Variants in EPB41L4A observed in about 807,000 individuals in gnomAD.
EPB41L4A encodes the protein erythrocyte membrane protein band 4.1 like 4A, also known as band 4.1-like protein 4A.
In EPB41L4A, 100 loss-of-function variants were observed where a neutral mutation model predicts 108.6. That is an observed-to-expected ratio of 0.92 (90% CI 0.78 to 1.09). EPB41L4A has a LOEUF of 1.09. EPB41L4A is among the 50% of genes least tolerant of loss of function. The pLI, the probability that EPB41L4A is intolerant of heterozygous loss-of-function variation, is 0.00. For synonymous variants in EPB41L4A, 319 were observed against 289.0 expected (o/e 1.10, Z -1.05); for missense variants, 1,030 against 842.7 (o/e 1.22, Z -2.75).
At chr5:112,220,093 A>G (rs555541409) in intron 12 of EPB41L4A, among the ~76,000 whole-genome samples, 5 of 152,368 alleles carry the variant, frequency 3.3e-5, no homozygotes, top group Admixed American at 2.6e-4. Context: ...TGCTAGAATG[A>G]AACAGTTTAG....
chr5:112,181,376 C>T (rs1038915580), intron 18 of EPB41L4A, among the ~76,000 whole-genome samples: 3 of 151,838 alleles, frequency 2.0e-5, no homozygotes, highest in Non-Finnish European at 2.9e-5. Flanking sequence ...GCGTGGAACC[C>T]GGGAGGCGGA....
At chr5:112,244,313 A>G (rs1413188930) in intron 9 of EPB41L4A, among the ~76,000 whole-genome samples, 1 of 152,200 alleles carries the variant, frequency 6.6e-6, no homozygotes, top group East Asian at 1.9e-4. Context: ...CCCCAAATCA[A>G]TTGCAACAGT....
Position 112,184,780 on chromosome 5 carries a change from G to A in EPB41L4A, c.1503-645C>T, listed in dbSNP as rs546605556. On this transcript the variant is annotated intron_variant, in intron 17 of 22. Coordinates refer to ENST00000261486, the MANE Select transcript of EPB41L4A (RefSeq NM_022140.5). ...ATGAGGAAAAGAGAAAGGTGGGAAA[G>A]ACTTGGAAGCACAGGCACTTGACAT... Among the ~76,000 whole-genome samples, 8 of 152,314 alleles carry A rather than the reference G, an allele frequency of 5.3e-5. No homozygotes were observed. In the East Asian group the frequency reaches 1.5e-3, roughly 29 times the overall value.
intron 2 of EPB41L4A, among the ~76,000 whole-genome samples, chr5:112,298,842 C>G (rs929443491): frequency 6.6e-6 from 1 of 152,054 alleles, no homozygotes; most frequent in African/African-American, 2.4e-5. Flanking sequence ...ATGGTCTGTT[C>G]AGGGTTTCTA....
rs560686165 is a variant in EPB41L4A, at chr5:112,199,800, C to T, written c.1377-4092G>A. On this transcript the variant is annotated intron_variant, in intron 15 of 22. Transcript: ENST00000261486. ...TCTACCCCTCATACTGATTCTCCTA[C>T]CAATTTTACCTCTCACTGGCTACTG... Among the ~76,000 whole-genome samples the T allele has an allele frequency of 1.4e-4, 21 of 152,298 alleles. 1 individual carries two copies. In the South Asian group the frequency reaches 4.4e-3, roughly 32 times the overall value.
chr5:112,345,628 C>A (rs887511895), intron 1 of EPB41L4A, among the ~76,000 whole-genome samples: 1 of 152,002 alleles, frequency 6.6e-6, no homozygotes, highest in South Asian at 2.1e-4. Flanking sequence ...TGGTGAGTTT[C>A]AATTCACCAT....
At chr5:112,399,216 TC>T (rs111763458) in intron 1 of EPB41L4A, among the ~76,000 whole-genome samples, 5,118 of 152,218 alleles carry the variant, frequency 0.034, 286 homozygotes, top group African/African-American at 0.12. Context: ...TGTTTCTGCC[TC>T]AGGACCTTTG....
intron 9 of EPB41L4A, among the ~76,000 whole-genome samples, chr5:112,255,399 C>T (rs181331475): frequency 6.6e-6 from 1 of 152,270 alleles, no homozygotes; most frequent in Non-Finnish European, 1.5e-5. Context: ...AAGTGCTGCA[C>T]AGAACACCTC....
chr5:112,216,557 C>T (rs932155052), intron 12 of EPB41L4A, among the ~76,000 whole-genome samples: 1 of 152,060 alleles, frequency 6.6e-6, no homozygotes, highest in Non-Finnish European at 1.5e-5. Context: ...AATTTATAAA[C>T]CTTCAGGTTA....
At chr5:112,310,844 A>C (rs954721878) in intron 1 of EPB41L4A, among the ~76,000 whole-genome samples, 5 of 152,166 alleles carry the variant, frequency 3.3e-5, no homozygotes, top group Non-Finnish European at 7.3e-5. Context: ...GGTCACAGGC[A>C]TATGATCTGT....
intron 1 of EPB41L4A, among the ~76,000 whole-genome samples, chr5:112,376,234 T>C (rs1283279125): frequency 3.3e-5 from 5 of 152,184 alleles, no homozygotes; most frequent in Admixed American, 1.3e-4. Flanking sequence ...TATATGACAC[T>C]TCACCAAAGA....
chr5:112,370,751 C>T (rs923753128), intron 1 of EPB41L4A, among the ~76,000 whole-genome samples: 8 of 152,128 alleles, frequency 5.3e-5, no homozygotes, highest in African/African-American at 1.9e-4. Flanking sequence ...CCTGTCTCTA[C>T]TAAAAATACA....
At chr5:112,400,613 G>A (rs887212091) in intron 1 of EPB41L4A, among the ~76,000 whole-genome samples, 1 of 152,066 alleles carries the variant, frequency 6.6e-6, no homozygotes, top group Admixed American at 6.5e-5. Context: ...ATTCACTAAT[G>A]CAAAGACAGG....
intron 1 of EPB41L4A, among the ~76,000 whole-genome samples, chr5:112,401,117 G>C (rs1761720598): frequency 6.6e-6 from 1 of 152,118 alleles, no homozygotes. Context: ...AAATTTCACT[G>C]ATTTTCCTGG....
chr5:112,171,420 A>G (rs973033675), intron 18 of EPB41L4A, among the ~76,000 whole-genome samples: 1 of 152,210 alleles, frequency 6.6e-6, no homozygotes, highest in African/African-American at 2.4e-5. Flanking sequence ...CACCAAAAGG[A>G]AAAAGCAACT....
At chr5:112,146,280 T>C (rs762858323) in intron 12 of EPB41L4A, among the ~76,000 whole-genome samples, 5 of 152,246 alleles carry the variant, frequency 3.3e-5, no homozygotes, top group Non-Finnish European at 7.3e-5. Context: ...TTCAGAAATA[T>C]AACTCACCCA....
At chr5:112,316,434 G>T (rs1755433469) in intron 1 of EPB41L4A, among the ~76,000 whole-genome samples, 1 of 152,002 alleles carries the variant, frequency 6.6e-6, no homozygotes, top group Non-Finnish European at 1.5e-5. Context: ...TTACGATAAG[G>T]CAAAGTGGGC....
intron 4 of EPB41L4A, among the ~76,000 whole-genome samples, chr5:112,272,028 T>C (rs182458110): frequency 6.6e-6 from 1 of 152,250 alleles, no homozygotes; most frequent in East Asian, 1.9e-4. Context: ...TATTTTCCTA[T>C]CACATTCATT....
chr5:112,291,922 C>G (rs189136902), intron 2 of EPB41L4A, among the ~76,000 whole-genome samples: 54 of 152,292 alleles, frequency 3.5e-4, no homozygotes, highest in African/African-American at 1.3e-3. Context: ...CATGGGAACT[C>G]CAACTTGAAG....
Sources: allele counts gnomAD v4.1 joint callset (sites outside exome capture counted in the v4.1 genomes callset), GRCh38; gene constraint gnomAD v4.1.1; transcripts MANE v1.5; gene names NCBI Gene and HGNC (gene_info 2026-07-23, HGNC 2026-07-21).